Variants in MAP3K14 observed in about 807,000 individuals in gnomAD.
The protein encoded by MAP3K14 is mitogen-activated protein kinase kinase kinase 14.
MAP3K14 carries 16 observed loss-of-function variants against 99.2 expected under a neutral mutation model. The ratio of observed to expected loss-of-function variants is 0.16; its 90% CI spans 0.11 to 0.24. The LOEUF (loss-of-function observed/expected upper bound fraction) is 0.24, where lower values mean the gene tolerates loss of function less well. Ranked by LOEUF, MAP3K14 falls within the 10% of genes least tolerant of loss-of-function variation. The pLI, the probability that MAP3K14 is intolerant of heterozygous loss-of-function variation, is 1.00. For synonymous variants in MAP3K14, 462 were observed against 492.4 expected (o/e 0.94, Z 0.82); for missense variants, 784 against 1,208.7 (o/e 0.65, Z 5.21).
chr17:45,266,418 G>A, intron 14 of MAP3K14, 119 bp downstream of exon 14: 1 of 1,340,750 alleles, frequency 7.5e-7, no homozygotes, highest in East Asian at 2.4e-5. Flanking sequence ...TCTGGGACCA[G>A]GCGCCTTCCT....
chr17:45,265,130 C>T (rs2044065617), intron 15 of MAP3K14, 33 bp downstream of exon 15: 1 of 1,551,478 alleles, frequency 6.4e-7, no homozygotes, highest in Admixed American at 1.7e-5. Flanking sequence ...GCTTCTGGGA[C>T]TCTGCCCGTC....
chr17:45,288,379 G>GTTTTTTT (rs11410554), intron 3 of MAP3K14, among the ~76,000 whole-genome samples: 1 of 135,820 alleles, frequency 7.4e-6, no homozygotes, highest in African/African-American at 2.7e-5. Flanking sequence ...TTGAACTCTT[G>GTTTTTTT]TTTTTTTTTT....
At chr17:45,275,493 A>AC (rs1276344523) in intron 6 of MAP3K14, among the ~76,000 whole-genome samples, 2 of 83,592 alleles carry the variant, frequency 2.4e-5, no homozygotes, top group African/African-American at 1.2e-4. Context: ...AAAAAAAAAA[A>AC]ACAAAAAAAA....
At chr17:45,287,400 G>T in intron 3 of MAP3K14, 36 bp from the exon 4 acceptor site, 1 of 1,578,924 alleles carries the variant, frequency 6.3e-7, no homozygotes. Context: ...TATTGAGCAC[G>T]AGGAAGCAGG....
chr17:45,304,010 CTTTT>C (rs1026894731), intron 1 of MAP3K14, among the ~76,000 whole-genome samples: 22 of 127,732 alleles, frequency 1.7e-4, no homozygotes, highest in African/African-American at 5.0e-4. Flanking sequence ...CTTTTCTTTT[CTTTT>C]TTTTTTTTTT....
chr17:45,295,275 T>C (rs1044222612), intron 1 of MAP3K14, among the ~76,000 whole-genome samples: 1 of 151,890 alleles, frequency 6.6e-6, no homozygotes, highest in African/African-American at 2.4e-5. Context: ...AATGAAATCA[T>C]ACCTCATCTC....
In MAP3K14 at chr17:45,267,070, T is replaced by A; in HGVS notation, c.2433+22A>T. The A allele has an allele frequency of 6.5e-7, 1 of 1,539,864 alleles. No homozygotes were observed. Among genetic ancestry groups the A allele is most frequent in the Admixed American group, 1.9e-5 (1 of 51,864 alleles). ...AAAACCACACCCCTGGAGCCATGGCTCCGGGGCCACAACCGACTCACCTTC... is the reference window on the plus strand; with the variant it reads ...AAAACCACACCCCTGGAGCCATGGCACCGGGGCCACAACCGACTCACCTTC... On this transcript the variant is annotated intron_variant, in intron 13 of 15. Transcript: ENST00000344686. The surrounding 1 kb of genome is among the most constrained non-coding windows in gnomAD (Gnocchi z 5.1).
Position 45,264,771 on chromosome 17 carries a change from G to T in MAP3K14, c.2709C>A (p.Thr903=), listed in dbSNP as rs375290280. The change falls in exon 16 of 16, where the codon ACC becomes ACA. Residue 903 remains threonine, a synonymous_variant. Coordinates refer to ENST00000344686, the MANE Select transcript of MAP3K14 (RefSeq NM_003954.5). ...QIPAAAFSLV[T]KDGQPVRYDM... is the part of the protein sequence containing the mutation. ...CGTAGCGAACAGGCTGCCCGTCTTT[G>T]GTGACCAAGCTGAAGGCTGCAGCTG... 11 of 1,613,356 alleles carry T rather than the reference G, an allele frequency of 6.8e-6. No homozygotes were observed. Among genetic ancestry groups the T allele is most frequent in the Non-Finnish European group, 9.3e-6 (11 of 1,179,734 alleles).
In MAP3K14 at chr17:45,271,039, G is replaced by T. The variant is rs550389689; in HGVS notation, c.1821+19C>A. The T allele has an allele frequency of 4.5e-5, 72 of 1,608,796 alleles. No homozygotes were observed. In the Middle Eastern group the frequency reaches 9.9e-4, roughly 22 times the overall value. On this transcript the variant is annotated intron_variant, in intron 10 of 15. Coordinates refer to ENST00000344686, the MANE Select transcript of MAP3K14 (RefSeq NM_003954.5). ...CCCTGCAGCTCCCCCTGTTGGCCAT[G>T]CTGGGTGCCGTCACCGACCTTGAGG...
chr17:45,298,575 A>G (rs1202913025), intron 1 of MAP3K14, among the ~76,000 whole-genome samples: 1 of 152,230 alleles, frequency 6.6e-6, no homozygotes, highest in Non-Finnish European at 1.5e-5. Flanking sequence ...AAAAGATATA[A>G]TCACTTCTAG....
chr17:45,265,326 T>G (rs1304962712), intron 14 of MAP3K14, 63 bp from the exon 15 acceptor site: 10 of 1,088,064 alleles, frequency 9.2e-6, no homozygotes, highest in Non-Finnish European at 7.1e-6. Context: ...ACCAGGGTCC[T>G]GGCAGGGGCT....
In MAP3K14 at chr17:45,287,201, G is replaced by A; in HGVS notation, c.490C>T (p.Pro164Ser). Residue 164 changes from proline to serine, a missense_variant, in exon 4 of 16, where the codon CCC (proline) becomes TCC (serine). Pro to Ser is a moderately conservative substitution (Grantham distance 74). This residue lies in a region of MAP3K14 where 188 missense variants were observed against 313.0 expected (regional missense o/e 0.60). Transcript: ENST00000344686. ...LAHAGVALAK[P>S]LPRTPEQESC... ...TCCTGCTCAGGGGTCCTGGGGAGGG[G>A]TTTGGCCAAGGCCACTCCTGCATGA... 3 of 1,613,974 alleles carry A rather than the reference G, an allele frequency of 1.9e-6. No individual in the cohort carries two copies. Among genetic ancestry groups the A allele is most frequent in the Non-Finnish European group, 2.5e-6 (3 of 1,179,868 alleles).
At chr17:45,301,167 C>CAAAA (rs757460582) in intron 1 of MAP3K14, among the ~76,000 whole-genome samples, 1 of 96,138 alleles carries the variant, frequency 1.0e-5, no homozygotes, top group African/African-American at 3.6e-5. Flanking sequence ...GATCCTGTTT[C>CAAAA]AAAAAAAAAA....
chr17:45,274,380 C>G (rs1372310228), intron 7 of MAP3K14, 84 bp downstream of exon 7: 19 of 1,587,762 alleles, frequency 1.2e-5, no homozygotes, highest in Non-Finnish European at 1.4e-5. Flanking sequence ...ATGGATAGAT[C>G]AGTGACCAAG....
At chr17:45,301,081 T>C (rs1252682483) in intron 1 of MAP3K14, among the ~76,000 whole-genome samples, 1 of 151,614 alleles carries the variant, frequency 6.6e-6, no homozygotes, top group Admixed American at 6.6e-5. Context: ...GGTGGAAGGA[T>C]TGCTTTAGTC....
At chr17:45,304,644 GA>G (rs987748414) in intron 1 of MAP3K14, among the ~76,000 whole-genome samples, 1 of 152,024 alleles carries the variant, frequency 6.6e-6, no homozygotes, top group Non-Finnish European at 1.5e-5. Flanking sequence ...TCTAGATGGG[GA>G]AAAAATGGGT....
At chr17:45,289,739 G>A (rs1286445046) in intron 2 of MAP3K14, among the ~76,000 whole-genome samples, 1 of 152,188 alleles carries the variant, frequency 6.6e-6, no homozygotes, top group Non-Finnish European at 1.5e-5. Flanking sequence ...CTGTATTTTA[G>A]TTTTTATTCT....
chr17:45,289,448 A>G, intron 2 of MAP3K14, 143 bp from the exon 3 acceptor site: 1 of 657,458 alleles, frequency 1.5e-6, no homozygotes. Context: ...TCACCTCCCC[A>G]CCAATGCCTC....
At chr17:45,299,573 G>A (rs1393652099) in intron 1 of MAP3K14, among the ~76,000 whole-genome samples, 1 of 152,124 alleles carries the variant, frequency 6.6e-6, no homozygotes, top group African/African-American at 2.4e-5. Context: ...TCTGAGGAAG[G>A]AGGAAGGGGC....
Sources: gnomAD v4.1 joint callset for allele counts (sites outside exome capture counted in the v4.1 genomes callset) on GRCh38, gnomAD v4.1.1 for gene constraint, gnomAD v4.1.1 regional missense constraint, Gnocchi (gnomAD v3.1) non-coding constraint, MANE v1.5 for transcripts, NCBI Gene and HGNC (gene_info 2026-07-23, HGNC 2026-07-21) for gene names.